The following GDI2 variants were observed in gnomAD, a reference collection of about 807,000 sequenced individuals.
GDI2 encodes the protein GDP dissociation inhibitor 2.
In GDI2, 22 loss-of-function variants were observed where a neutral mutation model predicts 54.2. That is an observed-to-expected ratio of 0.41 (90% CI 0.29 to 0.58). The LOEUF is 0.58. GDI2 is among the 20% of genes least tolerant of loss of function. The pLI, the probability that GDI2 is intolerant of heterozygous loss-of-function variation, is 0.35. For synonymous variants in GDI2, 177 were observed against 182.1 expected, an observed-to-expected ratio of 0.97 and a Z score of 0.23; for missense variants, 422 against 546.0, an observed-to-expected ratio of 0.77 and a Z score of 2.26.
intron 1 of GDI2, among the ~76,000 whole-genome samples, chr10:5,810,072 C>A (rs1841456151): frequency 6.6e-6 from 1 of 152,140 alleles, no homozygotes; most frequent in Admixed American, 6.5e-5. Flanking sequence ...AAAGATTAAG[C>A]AAATCCAAGA....
At chr10:5,806,583 C>T (rs1282910829) in intron 1 of GDI2, among the ~76,000 whole-genome samples, 3 of 151,970 alleles carry the variant, frequency 2.0e-5, no homozygotes, top group Non-Finnish European at 4.4e-5. Context: ...CTGCAATTAT[C>T]TTCTTCCATT....
chr10:5,811,456 C>G (rs1414643127), intron 1 of GDI2, among the ~76,000 whole-genome samples: 1 of 152,108 alleles, frequency 6.6e-6, no homozygotes, highest in Non-Finnish European at 1.5e-5. Flanking sequence ...CTTGTGGAAG[C>G]CTGCATGATG....
chr10:5,793,416 T>C (rs1052373057), intron 4 of GDI2, among the ~76,000 whole-genome samples: 9 of 152,230 alleles, frequency 5.9e-5, no homozygotes, highest in Admixed American at 5.9e-4. Context: ...ATTACACTAC[T>C]AACTACCCGC....
At position 5,813,354 on chromosome 10, in the gene GDI2, G is replaced by A. The variant is rs1234629303; in HGVS notation, c.-96C>T. On this transcript the variant is annotated 5_prime_UTR_variant, in exon 1 of 11. Transcript: ENST00000380191. ...CTGGGAGGCGCTCTTGGGCGCGAAG[G>A]AAAGGGGAAGAGAAAGAGAGGAAAA... The A allele has an allele frequency of 1.4e-5, 12 of 854,088 alleles. No individual in the cohort carries two copies. Among genetic ancestry groups the A allele is most frequent in the Admixed American group, 2.3e-5 (1 of 43,278 alleles). 52.9% of individuals were successfully genotyped at this position (854,088 alleles called of 1,614,324 possible). A position where few individuals can be genotyped will look rare whatever the true frequency, so the allele number is the denominator to read the frequency against.
chr10:5,770,388 C>T (rs1482541748), intron 7 of GDI2, among the ~76,000 whole-genome samples: 1 of 151,850 alleles, frequency 6.6e-6, no homozygotes, highest in Admixed American at 6.6e-5. Flanking sequence ...TGGGGAAACC[C>T]TGTCTCTACT....
intron 7 of GDI2, among the ~76,000 whole-genome samples, chr10:5,770,783 T>C (rs181202326): frequency 0.012 from 1,831 of 152,062 alleles, 24 homozygotes; most frequent in Non-Finnish European, 0.015. Flanking sequence ...CTGGCCAACC[T>C]GGTGAAACCC....
chr10:5,810,202 T>G (rs1028240148), intron 1 of GDI2, among the ~76,000 whole-genome samples: 5 of 152,232 alleles, frequency 3.3e-5, no homozygotes, highest in Non-Finnish European at 7.3e-5. Context: ...AAGCAAGTTT[T>G]TAAACATATG....
At chr10:5,799,886 A>C (rs1181080693) in intron 2 of GDI2, among the ~76,000 whole-genome samples, 2 of 152,240 alleles carry the variant, frequency 1.3e-5, no homozygotes, top group Non-Finnish European at 2.9e-5. Context: ...AGAGACATGA[A>C]AAAAATACAG....
intron 7 of GDI2, among the ~76,000 whole-genome samples, chr10:5,769,748 T>A (rs1212437318): frequency 6.6e-6 from 1 of 152,198 alleles, no homozygotes. Flanking sequence ...GTCAAGGATA[T>A]GGAGAAACTG....
rs142840148 is a variant in GDI2, at chr10:5,785,144, T to G, written c.717A>C (p.Ala239=). 46 of 1,586,024 alleles carry G rather than the reference T, an allele frequency of 2.9e-5. No individual in the cohort carries two copies. Among genetic ancestry groups the G allele is most frequent in the Non-Finnish European group, 3.7e-5 (43 of 1,168,094 alleles). The change falls in exon 6 of 11, where the codon GCA becomes GCC. Residue 239 remains alanine (A), a splice_region_variant and synonymous_variant. Transcript: ENST00000380191. ...AGGTTTTAAACACAGGCTCTTACCT[T>G]GCAAATCCTTGGGGCAGTTCTCCAA... ...YGLGELPQGF[A]RLSAIYGGTY...
chr10:5,773,158 C>G (rs751264197), intron 7 of GDI2, among the ~76,000 whole-genome samples: 2 of 152,082 alleles, frequency 1.3e-5, no homozygotes, highest in Admixed American at 6.5e-5. Flanking sequence ...AAGATGCCCC[C>G]CACCCCACCA....
At chr10:5,782,617 A>C (rs1840783470) in intron 6 of GDI2, among the ~76,000 whole-genome samples, 2 of 152,230 alleles carry the variant, frequency 1.3e-5, no homozygotes, top group Non-Finnish European at 2.9e-5. Flanking sequence ...AATTCATACA[A>C]AGGAATTCTA....
At chr10:5,771,582 T>C (rs749643179) in intron 7 of GDI2, among the ~76,000 whole-genome samples, 7 of 151,808 alleles carry the variant, frequency 4.6e-5, no homozygotes, top group Non-Finnish European at 1.0e-4. Flanking sequence ...TATAGGTGGG[T>C]GTCCTGACAA....
At chr10:5,794,188 A>AATATATATATATAT (rs1165735549) in intron 4 of GDI2, among the ~76,000 whole-genome samples, 1 of 40,346 alleles carries the variant, frequency 2.5e-5, no homozygotes, top group Non-Finnish European at 4.2e-5. Flanking sequence ...AAAAAAAAAA[A>AATATATATATATAT]ATATATATAT....
At chr10:5,789,428 C>A (rs892692130) in intron 4 of GDI2, among the ~76,000 whole-genome samples, 35 of 151,854 alleles carry the variant, frequency 2.3e-4, no homozygotes, top group African/African-American at 8.2e-4. Context: ...GAGATAGGGT[C>A]TTGCTATATA....
intron 1 of GDI2, among the ~76,000 whole-genome samples, chr10:5,809,651 TTA>T (rs1168072214): frequency 6.6e-6 from 1 of 152,248 alleles, no homozygotes; most frequent in Non-Finnish European, 1.5e-5. Context: ...AACAAGCTAC[TTA>T]TAGACAGGTT....
In GDI2 at chr10:5,766,681, T is replaced by C. The variant is rs927957577; in HGVS notation, c.992-43A>G. 1 of 1,559,116 alleles carries C rather than the reference T, an allele frequency of 6.4e-7. No individual in the cohort carries two copies. The highest frequency in any genetic ancestry group is 1.7e-5 in the Admixed American group (1 of 59,848). On this transcript the variant is annotated intron_variant, in intron 8 of 10. Transcript: ENST00000380191. The surrounding 1 kb of genome is among the most constrained non-coding windows in gnomAD (Gnocchi z 5.8). ...CAGCTCACTGCCTCAAGTGTCTCCA[T>C]CTGGGACCCAACATACTCAGGTATC...
chr10:5,776,711 G>A lies in GDI2; in HGVS notation c.720-2770C>T. The A allele has an allele frequency of 6.8e-7, 1 of 1,469,268 alleles. No homozygotes were observed. The highest frequency in any genetic ancestry group is 1.7e-5 in the Admixed American group (1 of 58,150). 91.0% of individuals were successfully genotyped at this position (1,469,268 alleles called of 1,614,324 possible). The stretch of plus-strand genomic sequence containing the variant: ...GAGCTTGCCGCCACATTCAGAAACT[G>A]CTACAGCCTCTTTAACCTGGCAGAA... On this transcript the variant is annotated intron_variant, in intron 6 of 10. Transcript: ENST00000380191. This position sits in a 1 kb window ranked among gnomAD's most constrained non-coding sequence, Gnocchi z 5.3.
rs190487239 is a variant in GDI2 at position 5,813,420 on chromosome 10, G to T, written c.-162C>A. 2 of 520,180 alleles carry T rather than the reference G, an allele frequency of 3.8e-6. No individual in the cohort carries two copies. The highest frequency in any genetic ancestry group is 6.9e-6 in the Non-Finnish European group (2 of 289,318). 32.2% of individuals were successfully genotyped at this position (520,180 alleles called of 1,614,324 possible). A position where few individuals can be genotyped will look rare whatever the true frequency, so the allele number is the denominator to read the frequency against. ...GGCGAGACCGACCGCCACCTCAGAC[G>T]GGAAGAGAAGAACTGGGCGGGGAGA... On this transcript the variant is annotated 5_prime_UTR_variant, in exon 1 of 11. Transcript: ENST00000380191.
Sources: allele counts gnomAD v4.1 joint callset (sites outside exome capture counted in the v4.1 genomes callset), GRCh38; gene constraint gnomAD v4.1.1; non-coding constraint Gnocchi (gnomAD v3.1); transcripts MANE v1.5; gene names NCBI Gene and HGNC (gene_info 2026-07-23, HGNC 2026-07-21).